The following FMO5 variants were observed in gnomAD, a reference collection of about 807,000 sequenced individuals.
The protein encoded by FMO5 is flavin-containing monooxygenase 5.
FMO5 carries 51 observed loss-of-function variants against 43.6 expected under a neutral mutation model. That is an observed-to-expected ratio of 1.17 (90% CI 0.93 to 1.48). FMO5 has a LOEUF of 1.48. Ranked by LOEUF, FMO5 falls within the 40% of genes most tolerant of loss-of-function variation. The pLI, the probability that FMO5 is intolerant of heterozygous loss-of-function variation, is 0.00. For synonymous variants in FMO5, 187 were observed against 216.5 expected, an observed-to-expected ratio of 0.86 and a Z score of 1.20; for missense variants, 644 against 643.0, an observed-to-expected ratio of 1.00 and a Z score of -0.02.
At chr1:147,196,193 C>A (rs1553919747) in intron 7 of FMO5, among the ~76,000 whole-genome samples, 1 of 152,048 alleles carries the variant, frequency 6.6e-6, no homozygotes, top group African/African-American at 2.4e-5. Flanking sequence ...CTGGTGTATC[C>A]CTCTTAAAAT....
chr1:147,189,960 A>C (rs1383184105), intron 8 of FMO5, among the ~76,000 whole-genome samples: 1 of 152,090 alleles, frequency 6.6e-6, no homozygotes, highest in Non-Finnish European at 1.5e-5. Flanking sequence ...TAAACATATG[A>C]TTTTAGACAC....
intron 4 of FMO5, among the ~76,000 whole-genome samples, 173 bp from the exon 5 acceptor site, chr1:147,212,708 A>T (rs1177070604): frequency 6.6e-6 from 1 of 152,050 alleles, no homozygotes; most frequent in Non-Finnish European, 1.5e-5. Context: ...CTTTTCCCAT[A>T]GCCTCAGAGT....
chr1:147,203,821 G>A, intron 6 of FMO5: 6 of 1,554,682 alleles, frequency 3.9e-6, no homozygotes, highest in Non-Finnish European at 5.3e-6. Flanking sequence ...TGGTAGAAAT[G>A]ATGCCATCTT....
In FMO5 at chr1:147,215,695, C is replaced by A. The variant is rs1661860687; in HGVS notation, c.324+59G>T. On this transcript the variant is annotated intron_variant, in intron 3 of 8. Coordinates refer to ENST00000254090, the MANE Select transcript of FMO5 (RefSeq NM_001461.4). ...AAGTAAACATTGGTAACTGAAACCA[C>A]GTTATTCATTTACTTGGCAAACAAC... 3.2e-6 allele frequency: 4 copies of A among 1,264,818 alleles called. No homozygotes were observed. The South Asian group carries it at 4.2e-5, about 13-fold the overall frequency. 78.3% of individuals were successfully genotyped at this position (1,264,818 alleles called of 1,614,324 possible).
intron 6 of FMO5, among the ~76,000 whole-genome samples, chr1:147,202,463 G>T (rs1659194984): frequency 6.6e-6 from 1 of 151,796 alleles, no homozygotes; most frequent in African/African-American, 2.4e-5. Flanking sequence ...TGGACTACAG[G>T]CACCTGCCAC....
Position 147,215,887 on chromosome 1 carries a change from G to C in FMO5, c.191C>G (p.Ser64Cys), listed in dbSNP as rs1448965440. The C allele has an allele frequency of 6.2e-7, 1 of 1,612,866 alleles. No individual in the cohort carries two copies. The highest frequency in any genetic ancestry group is 1.3e-5 in the African/African-American group (1 of 74,904). ...GTCACTGAAGCACATCATCTCTTTA[G>C]AAGTATTGATGATCACTGATTTGTA... ...SIYKSVIINT[S>C]KEMMCFSDYP... Residue 64 changes from serine to cysteine, a missense_variant, in exon 3 of 9, where the codon TCT becomes TGT. Ser to Cys is a moderately radical substitution (Grantham distance 112). Transcript: ENST00000254090.
At position 147,186,834 on chromosome 1, in the gene FMO5, G is replaced by A. The variant is rs782485488; in HGVS notation, c.*66C>T. 1.3e-5 allele frequency: 20 copies of A among 1,531,662 alleles called. No homozygotes were observed. The highest frequency in any genetic ancestry group is 5.5e-5 in the African/African-American group (4 of 72,220). The allele number at this position is 1,531,662 out of a possible 1,614,324, so 94.9% of individuals were successfully genotyped here. ...CAATATGAAACTGAGAGTCAATCTC[G>A]TCAGATTCTGAAGGCATCTGTAGAT... On this transcript the variant is annotated 3_prime_UTR_variant, in exon 9 of 9. Transcript: ENST00000254090.
intron 7 of FMO5, among the ~76,000 whole-genome samples, chr1:147,194,413 G>C (rs1379827408): frequency 6.6e-6 from 1 of 152,124 alleles, no homozygotes; most frequent in Non-Finnish European, 1.5e-5. Context: ...CTGCACATGA[G>C]ATGGGTTTCC....
chr1:147,188,821 T>C (rs1387720693), intron 8 of FMO5, among the ~76,000 whole-genome samples: 1 of 147,548 alleles, frequency 6.8e-6, no homozygotes, highest in Admixed American at 6.8e-5. Context: ...GTTCAGGAGG[T>C]GGTTAGACAA....
chr1:147,185,786 A>G (rs1332707731), downstream of FMO5, among the ~76,000 whole-genome samples: 2 of 152,224 alleles, frequency 1.3e-5, no homozygotes, highest in Non-Finnish European at 2.9e-5. Context: ...TAATTTCTCC[A>G]TGAAACAAGA....
At chr1:147,184,387 C>T (rs782638488), downstream of FMO5, 7 of 1,202,508 alleles carry the variant, frequency 5.8e-6, no homozygotes, top group South Asian at 2.4e-5. The surrounding 1 kb of genome is among the most constrained non-coding windows in gnomAD (Gnocchi z 4.4). Context: ...AATATTGATA[C>T]ATTATTAACC....
intron 7 of FMO5, among the ~76,000 whole-genome samples, chr1:147,200,051 C>G (rs926057011): frequency 2.6e-5 from 4 of 152,190 alleles, no homozygotes; most frequent in African/African-American, 4.8e-5. Context: ...TACCTTCCCC[C>G]TCTCCTGCCC....
At chr1:147,226,619 G>A (rs1223316964), upstream of FMO5, among the ~76,000 whole-genome samples, 1 of 152,120 alleles carries the variant, frequency 6.6e-6, no homozygotes, top group East Asian at 1.9e-4. Flanking sequence ...TGACAGATGT[G>A]AGGGGTTGTA....
chr1:147,211,277 T>C (rs1223214651), intron 5 of FMO5: 2 of 152,214 alleles, frequency 1.3e-5, no homozygotes, highest in African/African-American at 4.8e-5. Flanking sequence ...AAGATGGCTC[T>C]CGCCATGGGT....
chr1:147,194,268 T>C (rs587667673), intron 7 of FMO5, among the ~76,000 whole-genome samples: 1 of 152,306 alleles, frequency 6.6e-6, no homozygotes, highest in East Asian at 1.9e-4. Context: ...TTAATGGCCT[T>C]CTTTGTCTCT....
intron 7 of FMO5, among the ~76,000 whole-genome samples, chr1:147,195,324 G>T (rs1037961797): frequency 2.0e-5 from 3 of 152,022 alleles, no homozygotes; most frequent in Admixed American, 1.3e-4. Flanking sequence ...GTAGAGACGA[G>T]GTTTCACCAT....
At chr1:147,199,762 A>G (rs1553920508) in intron 7 of FMO5, among the ~76,000 whole-genome samples, 2 of 152,202 alleles carry the variant, frequency 1.3e-5, no homozygotes, top group Admixed American at 1.3e-4. Flanking sequence ...AATCTGCTGG[A>G]TAGGACTGGA....
intron 7 of FMO5, 51 bp downstream of exon 7, chr1:147,201,101 A>T (rs1553920763): frequency 7.7e-7 from 1 of 1,306,894 alleles, no homozygotes; most frequent in South Asian, 1.3e-5. Flanking sequence ...ACCTAAACAG[A>T]GGTAAACATA....
chr1:147,215,722 T>G (rs782103508), intron 3 of FMO5, 32 bp downstream of exon 3: 1 of 1,509,850 alleles, frequency 6.6e-7, no homozygotes, highest in Non-Finnish European at 9.0e-7. Flanking sequence ...GCAAACAACT[T>G]CAAACACAAA....
Sources: allele counts gnomAD v4.1 joint callset (sites outside exome capture counted in the v4.1 genomes callset), GRCh38; gene constraint gnomAD v4.1.1; non-coding constraint Gnocchi (gnomAD v3.1); transcripts MANE v1.5; gene names NCBI Gene and HGNC (gene_info 2026-07-23, HGNC 2026-07-21).